SNTG1: variants seen among roughly 807,000 people sequenced by gnomAD.
The protein encoded by SNTG1 is syntrophin gamma 1.
In SNTG1, 39 loss-of-function variants were observed where a neutral mutation model predicts 74.7. The observed-to-expected ratio is 0.52, with a 90% CI of 0.40 to 0.68. The LOEUF is 0.68. SNTG1 is among the 30% of genes least tolerant of loss of function. The pLI, the probability that SNTG1 is intolerant of heterozygous loss-of-function variation, is 0.00. For missense variants in SNTG1, 685 were observed against 609.5 expected (o/e 1.12, Z -1.30); for synonymous variants, 254 against 217.1 (o/e 1.17, Z -1.49).
rs1809874138 is a variant in SNTG1, at chr8:49,953,180, A to C, written c.-103+40949A>C. On this transcript the variant is annotated intron_variant, in intron 1 of 18. Coordinates refer to ENST00000642720, the MANE Select transcript of SNTG1 (RefSeq NM_018967.5). ...TTTGAAGAACTCCAACATTTAGAAGAACAAAGTAAGGAGAAACCAGCAGAA... is the reference window on the plus strand; with the variant it reads ...TTTGAAGAACTCCAACATTTAGAAGCACAAAGTAAGGAGAAACCAGCAGAA... Among the ~76,000 whole-genome samples, 3 of 152,226 alleles carry C rather than the reference A, an allele frequency of 2.0e-5. No individual in the cohort carries two copies. The South Asian group carries it at 6.2e-4, about 31-fold the overall frequency.
intron 13 of SNTG1, among the ~76,000 whole-genome samples, chr8:50,633,599 C>T (rs1321580446): frequency 8.5e-5 from 13 of 152,178 alleles, no homozygotes; most frequent in Non-Finnish European, 5.9e-5. Flanking sequence ...ACTACCTTGA[C>T]CCCAGCTTCC....
chr8:50,687,776 G>GTGT (rs1468529447), intron 15 of SNTG1, among the ~76,000 whole-genome samples: 20 of 151,950 alleles, frequency 1.3e-4, no homozygotes, highest in African/African-American at 4.6e-4. Flanking sequence ...CTGTGTCCAT[G>GTGT]TGTTCTCATT....
chr8:50,769,681 A>G (rs2095622405), intron 18 of SNTG1, among the ~76,000 whole-genome samples: 1 of 152,070 alleles, frequency 6.6e-6, no homozygotes, highest in Non-Finnish European at 1.5e-5. Flanking sequence ...TCTTAACTGC[A>G]TTCATCATGC....
At chr8:50,106,683 T>A (rs1463627213) in intron 1 of SNTG1, among the ~76,000 whole-genome samples, 1 of 152,204 alleles carries the variant, frequency 6.6e-6, no homozygotes, top group Non-Finnish European at 1.5e-5. Flanking sequence ...TTTCTGTTTT[T>A]AGTTTTCTTT....
intron 13 of SNTG1, among the ~76,000 whole-genome samples, chr8:50,606,464 C>T (rs1315971768): frequency 1.3e-5 from 2 of 151,874 alleles, no homozygotes; most frequent in Non-Finnish European, 2.9e-5. Context: ...TAGTTTCCTG[C>T]ATTATTTCTA....
intron 8 of SNTG1, among the ~76,000 whole-genome samples, chr8:50,498,019 T>C (rs2093918926): frequency 6.6e-6 from 1 of 151,970 alleles, no homozygotes; most frequent in Non-Finnish European, 1.5e-5. Flanking sequence ...TACTTTTTGA[T>C]GGACATTTGA....
In SNTG1 at chr8:49,952,115, G is replaced by A. The variant is rs76274338; in HGVS notation, c.-103+39884G>A. 5.2e-4 allele frequency among the ~76,000 whole-genome samples: 79 copies of A among 152,178 alleles called. No individual in the cohort carries two copies. In the East Asian group the frequency reaches 0.013, roughly 26 times the overall value. On this transcript the variant is annotated intron_variant, in intron 1 of 18. Coordinates refer to ENST00000642720, the MANE Select transcript of SNTG1 (RefSeq NM_018967.5). The stretch of plus-strand genomic sequence containing the variant: ...TAAATGTTTTTATCATCAACAGACT[G>A]TTCTTATAGTGCTTTTATTGTTTAC...
chr8:50,515,850 G>A (rs1007314290), intron 9 of SNTG1, among the ~76,000 whole-genome samples: 1 of 152,092 alleles, frequency 6.6e-6, no homozygotes, highest in East Asian at 1.9e-4. Context: ...CAGAGCACCT[G>A]GGGGAAGGGG....
intron 4 of SNTG1, among the ~76,000 whole-genome samples, chr8:50,424,952 ATTAT>A (rs1424842074): frequency 5.9e-5 from 9 of 152,146 alleles, no homozygotes; most frequent in Non-Finnish European, 1.0e-4. Context: ...GAAAATTATA[ATTAT>A]ATTTACAGGT....
At chr8:49,982,257 G>T (rs1812749243) in intron 1 of SNTG1, among the ~76,000 whole-genome samples, 1 of 152,216 alleles carries the variant, frequency 6.6e-6, no homozygotes, top group East Asian at 1.9e-4. Flanking sequence ...TCAGTGGTAT[G>T]CAACTGCTCA....
chr8:50,178,705 T>C (rs1036007185), intron 2 of SNTG1, among the ~76,000 whole-genome samples: 1 of 152,148 alleles, frequency 6.6e-6, no homozygotes, highest in Non-Finnish European at 1.5e-5. Context: ...GCATGTTCTG[T>C]TCATTATTTT....
intron 5 of SNTG1, among the ~76,000 whole-genome samples, chr8:50,440,443 C>A (rs2093348164): frequency 6.6e-6 from 1 of 151,980 alleles, no homozygotes. Context: ...TTACAAAAAT[C>A]TCTTTCCCTG....
intron 2 of SNTG1, among the ~76,000 whole-genome samples, chr8:50,359,108 C>T (rs2091892915): frequency 6.6e-6 from 1 of 152,148 alleles, no homozygotes; most frequent in Non-Finnish European, 1.5e-5. Context: ...TGTGCCTTTG[C>T]TGTCATAACT....
At chr8:50,415,537 T>G (rs2093003384) in intron 4 of SNTG1, among the ~76,000 whole-genome samples, 1 of 152,138 alleles carries the variant, frequency 6.6e-6, no homozygotes, top group South Asian at 2.1e-4. Flanking sequence ...ATATTTGAAA[T>G]ATACTCTTCC....
At chr8:50,070,646 A>G (rs1243876373) in intron 1 of SNTG1, among the ~76,000 whole-genome samples, 1 of 152,338 alleles carries the variant, frequency 6.6e-6, no homozygotes, top group Middle Eastern at 3.4e-3. Context: ...AACAAAAAGA[A>G]ATGATTTCAA....
At chr8:50,691,023 G>A (rs1425131292) in intron 15 of SNTG1, among the ~76,000 whole-genome samples, 1 of 152,246 alleles carries the variant, frequency 6.6e-6, no homozygotes, top group East Asian at 1.9e-4. Flanking sequence ...TGTCTCTTTT[G>A]ATCTTTGTTG....
chr8:50,737,098 C>T (rs1189159111), intron 17 of SNTG1, among the ~76,000 whole-genome samples: 2 of 151,730 alleles, frequency 1.3e-5, no homozygotes, highest in African/African-American at 4.8e-5. Flanking sequence ...CATGAAAAAC[C>T]CTTCAAAAAA....
chr8:50,094,815 C>A (rs925877632), intron 1 of SNTG1, among the ~76,000 whole-genome samples: 1 of 152,070 alleles, frequency 6.6e-6, no homozygotes, highest in African/African-American at 2.4e-5. Context: ...GGTATATACG[C>A]AGAGGAATAT....
At chr8:50,041,545 C>T (rs745892430) in intron 1 of SNTG1, among the ~76,000 whole-genome samples, 7 of 152,250 alleles carry the variant, frequency 4.6e-5, no homozygotes, top group South Asian at 4.1e-4. Context: ...CTCAGTAGAA[C>T]TTACGATTGT....
Sources: gnomAD v4.1 joint callset for allele counts (sites outside exome capture counted in the v4.1 genomes callset) on GRCh38, gnomAD v4.1.1 for gene constraint, MANE v1.5 for transcripts, NCBI Gene and HGNC (gene_info 2026-07-23, HGNC 2026-07-21) for gene names.